TNRC6A: variants seen among roughly 807,000 people sequenced by gnomAD.
TNRC6A encodes trinucleotide repeat containing adaptor 6A.
In TNRC6A, 44 loss-of-function variants were observed where a neutral mutation model predicts 221.2. The observed-to-expected ratio is 0.20, with a 90% CI of 0.16 to 0.26. TNRC6A has a LOEUF of 0.26. Ranked by LOEUF, TNRC6A falls within the 10% of genes least tolerant of loss-of-function variation. The pLI is 1.00. For synonymous variants in TNRC6A, 847 were observed against 838.5 expected, an observed-to-expected ratio of 1.01 and a Z score of -0.18; for missense variants, 2,199 against 2,404.4, an observed-to-expected ratio of 0.91 and a Z score of 1.79.
Position 24,777,323 on chromosome 16 carries a change from A to G in TNRC6A, c.554A>G (p.Asn185Ser), listed in dbSNP as rs189634271. Reference sequence around the variant, plus strand: ...GCTTTAACAAATCAACAGCCACAAAATAACGGAGAGGTGCAGAACAGCAAA... The same window carrying G: ...GCTTTAACAAATCAACAGCCACAAAGTAACGGAGAGGTGCAGAACAGCAAA... ...SSALTNQQPQNNGEVQNSKNQ... is the reference protein window; with the variant it reads ...SSALTNQQPQSNGEVQNSKNQ... The change falls in exon 5 of 25, where the codon AAT (asparagine) becomes AGT (serine). Residue 185 changes from asparagine to serine, a missense_variant. Asn to Ser is a conservative substitution (Grantham distance 46). This residue lies in a region of TNRC6A where 1,405 missense variants were observed against 1,400.2 expected (regional missense o/e 1.00). Coordinates refer to ENST00000395799, the MANE Select transcript of TNRC6A (RefSeq NM_014494.4). 1.6e-4 allele frequency: 261 copies of G among 1,613,394 alleles called. No homozygotes were observed. The highest frequency in any genetic ancestry group is 2.2e-4 in the Non-Finnish European group (254 of 1,179,994).
At position 24,793,489 on chromosome 16, in the gene TNRC6A, G is replaced by T. The variant is rs765589409; in HGVS notation, c.3192G>T (p.Trp1064Cys). 1.2e-5 allele frequency: 18 copies of T among 1,498,642 alleles called. No individual in the cohort carries two copies. The highest frequency in any genetic ancestry group is 2.5e-5 in the East Asian group (1 of 39,876). The allele number at this position is 1,498,642 out of a possible 1,614,324, so 92.8% of individuals were successfully genotyped here. A position where few individuals can be genotyped will look rare whatever the true frequency, so the allele number is the denominator to read the frequency against. Residue 1064 changes from tryptophan to cysteine, a missense_variant, in exon 7 of 25, where the codon TGG becomes TGT. Coordinates refer to ENST00000395799, the MANE Select transcript of TNRC6A (RefSeq NM_014494.4). Reference sequence around the variant, plus strand: ...TTTCTAAAGGCTGGGGTGAGCCCTGGGGGGAGCCTTCTACTCCAGCCACAA... The same window carrying T: ...TTTCTAAAGGCTGGGGTGAGCCCTGTGGGGAGCCTTCTACTCCAGCCACAA... ...ASSGSGWGEP[W>C]GEPSTPATTV...
chr16:24,822,114 A>C lies in TNRC6A; in HGVS notation c.5340A>C (p.Thr1780=). The change falls in exon 23 of 25, where the codon ACA becomes ACC. Residue 1780 remains threonine, a synonymous_variant. Transcript: ENST00000395799. ...SWGESSSGRI[T]NWLVLKNLTP... ...GTGAGAGCAGCTCAGGGAGAATAAC[A>C]AATTGGCTTGTTCTAAAAAACCTTA... 6.2e-7 allele frequency: 1 copy of C among 1,614,086 alleles called. No homozygotes were observed. Among genetic ancestry groups the C allele is most frequent in the Middle Eastern group, 1.7e-4 (1 of 6,058 alleles).
At chr16:24,659,045 G>A (rs1177537120) in intron 2 of TNRC6A, among the ~76,000 whole-genome samples, 1 of 151,982 alleles carries the variant, frequency 6.6e-6, no homozygotes, top group Non-Finnish European at 1.5e-5. Context: ...CTGAGCTCAA[G>A]CAATCCACCC....
intron 2 of TNRC6A, among the ~76,000 whole-genome samples, chr16:24,647,293 T>A (rs1401561724): frequency 2.0e-5 from 3 of 152,158 alleles, no homozygotes; most frequent in Non-Finnish European, 2.9e-5. Flanking sequence ...CTTAAATAAT[T>A]TTTTTACCAT....
intron 4 of TNRC6A, among the ~76,000 whole-genome samples, chr16:24,759,532 G>A (rs1395464502): frequency 2.6e-5 from 4 of 152,132 alleles, no homozygotes; most frequent in East Asian, 3.9e-4. Context: ...TGGGGAATAC[G>A]ACGTGCATCT....
upstream of TNRC6A, among the ~76,000 whole-genome samples, chr16:24,728,948 G>A (rs979991879): frequency 4.6e-5 from 7 of 151,976 alleles, no homozygotes; most frequent in African/African-American, 1.7e-4. Flanking sequence ...ATACATGCCA[G>A]TAGCTGTTTT....
chr16:24,823,383 C>T lies in TNRC6A; in HGVS notation c.5514-49C>T. ...CACCCTCACTTGTGAGTGAATGAAG[C>T]CCTCCTGGTGTGCTGTCCTCACGTG... On this transcript the variant is annotated intron_variant, in intron 24 of 24. Coordinates refer to ENST00000395799, the MANE Select transcript of TNRC6A (RefSeq NM_014494.4). This position sits in a 1 kb window ranked among gnomAD's most constrained non-coding sequence, Gnocchi z 4.3. The T allele has an allele frequency of 6.5e-7, 1 of 1,543,466 alleles. No individual in the cohort carries two copies. The highest frequency in any genetic ancestry group is 1.4e-5 in the African/African-American group (1 of 73,126).
rs1240401551 is a variant in TNRC6A, at chr16:24,658,635, G to T, written n.402+17626G>T. Among the ~76,000 whole-genome samples, 8 of 152,036 alleles carry T rather than the reference G, an allele frequency of 5.3e-5. No homozygotes were observed. In the South Asian group the frequency reaches 1.0e-3, roughly 20 times the overall value. ...GGCCTCCCAAAGTGCTGGGATTACA[G>T]GTATGAGCCACAGAGCCCCACCCAC... is the stretch of plus-strand genomic sequence containing the variant. On this transcript the variant is annotated intron_variant and non_coding_transcript_variant, in intron 2 of 2. Coordinates refer to the TNRC6A transcript ENST00000566108.
chr16:24,660,727 T>A (rs1439954647), intron 2 of TNRC6A, among the ~76,000 whole-genome samples: 2 of 137,832 alleles, frequency 1.5e-5, no homozygotes, highest in Non-Finnish European at 1.5e-5. Context: ...TTTTCTTTTT[T>A]CTTTTTTTTT....
intron 2 of TNRC6A, among the ~76,000 whole-genome samples, chr16:24,704,664 CAAAAAAAAA>C (rs58926085): frequency 4.3e-4 from 30 of 69,452 alleles, no homozygotes; most frequent in Non-Finnish European, 6.8e-4. Flanking sequence ...GACTCCGTCT[CAAAAAAAAA>C]AAAAAAAAAA....
chr16:24,627,504 T>G (rs1341866403), intron 1 of TNRC6A, among the ~76,000 whole-genome samples: 1 of 151,974 alleles, frequency 6.6e-6, no homozygotes, highest in South Asian at 2.1e-4. Flanking sequence ...CCTCTCTCGC[T>G]CTTAATATTT....
intron 2 of TNRC6A, among the ~76,000 whole-genome samples, chr16:24,680,062 G>A (rs767957737): frequency 1.3e-5 from 2 of 152,178 alleles, no homozygotes; most frequent in Non-Finnish European, 2.9e-5. Flanking sequence ...CATATCACCT[G>A]ATAGCTAGTG....
chr16:24,637,916 C>A (rs371622015), intron 1 of TNRC6A, among the ~76,000 whole-genome samples: 1 of 152,120 alleles, frequency 6.6e-6, no homozygotes, highest in Non-Finnish European at 1.5e-5. Flanking sequence ...TCTCAAGTAT[C>A]TGGGACTACC....
intron 4 of TNRC6A, among the ~76,000 whole-genome samples, chr16:24,772,304 T>C (rs1031686962): frequency 2.6e-5 from 4 of 152,258 alleles, no homozygotes; most frequent in Admixed American, 2.6e-4. Flanking sequence ...CATCTTTTAC[T>C]GTGCTCTCCA....
At chr16:24,771,750 C>T (rs1013525250) in intron 4 of TNRC6A, among the ~76,000 whole-genome samples, 1 of 151,944 alleles carries the variant, frequency 6.6e-6, no homozygotes, top group Admixed American at 6.6e-5. Flanking sequence ...TTTTGTATTC[C>T]TGGTGTGTTT....
chr16:24,613,074 C>A (rs1460035074), intron 1 of TNRC6A, among the ~76,000 whole-genome samples: 1 of 142,678 alleles, frequency 7.0e-6, no homozygotes, highest in Non-Finnish European at 1.5e-5. Flanking sequence ...CGAGATCGCA[C>A]CATTGCGCTC....
intron 2 of TNRC6A, among the ~76,000 whole-genome samples, chr16:24,731,654 T>A (rs2151173886): frequency 6.6e-6 from 1 of 152,380 alleles, no homozygotes. Flanking sequence ...CTTAGAGGTC[T>A]GTTTCTCCTT....
At chr16:24,748,868 T>C (rs1315928477) in intron 2 of TNRC6A, among the ~76,000 whole-genome samples, 1 of 152,148 alleles carries the variant, frequency 6.6e-6, no homozygotes, top group African/African-American at 2.4e-5. Flanking sequence ...AATCTCTCTT[T>C]TTCTGCCTGA....
chr16:24,808,678 C>T (rs112517190), intron 17 of TNRC6A, among the ~76,000 whole-genome samples: 3 of 152,204 alleles, frequency 2.0e-5, no homozygotes, highest in Non-Finnish European at 2.9e-5. Context: ...CACATGGACT[C>T]ATCAGACCAG....
Sources: gnomAD v4.1 joint callset for allele counts (sites outside exome capture counted in the v4.1 genomes callset) on GRCh38, gnomAD v4.1.1 for gene constraint, gnomAD v4.1.1 regional missense constraint, Gnocchi (gnomAD v3.1) non-coding constraint, MANE v1.5 for transcripts, NCBI Gene and HGNC (gene_info 2026-07-23, HGNC 2026-07-21) for gene names.